The following ITPRID2 variants were observed in gnomAD, a reference collection of about 807,000 sequenced individuals.
The protein encoded by ITPRID2 is ITPR interacting domain containing 2, also known as protein ITPRID2.
A neutral mutation model predicts 124.3 loss-of-function variants in ITPRID2; 60 were observed. The ratio of observed to expected loss-of-function variants is 0.48; its 90% confidence interval spans 0.39 to 0.60. ITPRID2 has a LOEUF of 0.60. ITPRID2 is among the 20% of genes least tolerant of loss of function. The pLI is 0.00. For missense variants in ITPRID2, 1,553 were observed against 1,512.2 expected, an observed-to-expected ratio of 1.03 and a Z score of -0.45; for synonymous variants, 521 against 542.9, an observed-to-expected ratio of 0.96 and a Z score of 0.56.
In ITPRID2 at chr2:181,892,605, C is replaced by G. The variant is rs978687760; in HGVS notation, c.212-10C>G. 1 of 1,614,164 alleles carries G rather than the reference C, an allele frequency of 6.2e-7. No homozygotes were observed. The highest frequency in any genetic ancestry group is 8.5e-7 in the Non-Finnish European group (1 of 1,180,000). The stretch of plus-strand genomic sequence containing the variant: ...GGTGGTAACGTGCTGTCCCCTCTCT[C>G]TACCCCCAGGAAACGTGCCCAACGA... On this transcript the variant is annotated splice_polypyrimidine_tract_variant and intron_variant, in intron 1 of 17. Coordinates refer to ENST00000431877, the MANE Select transcript of ITPRID2 (RefSeq NM_001130445.3). This position sits in a 1 kb window ranked among gnomAD's most constrained non-coding sequence, Gnocchi z 5.2.
intron 8 of ITPRID2, among the ~76,000 whole-genome samples, chr2:181,903,723 A>G (rs773357985): frequency 1.3e-5 from 2 of 152,016 alleles, no homozygotes; most frequent in African/African-American, 2.4e-5. Context: ...TATTTCTTCT[A>G]TCTTTTTACC....
chr2:181,921,929 AT>A lies in ITPRID2; in HGVS notation c.3211-12del. 1.9e-6 allele frequency: 3 copies of A among 1,595,302 alleles called. No individual in the cohort carries two copies. Among genetic ancestry groups the A allele is most frequent in the Non-Finnish European group, 2.6e-6 (3 of 1,170,740 alleles). On this transcript the variant is annotated intron_variant, in intron 15 of 17. Transcript: ENST00000431877. ...CTTAATTCCAAGAGAGAAGAATAAC[AT>A]TTTTTTATGATCTCCAGGTCACTGA...
chr2:181,892,014 C>T lies in ITPRID2; in HGVS notation c.-53C>T. 1 of 1,523,856 alleles carries T rather than the reference C, an allele frequency of 6.6e-7. No individual in the cohort carries two copies. The highest frequency in any genetic ancestry group is 1.2e-5 in the South Asian group (1 of 82,092). The allele number at this position is 1,523,856 out of a possible 1,614,324, so 94.4% of individuals were successfully genotyped here. On this transcript the variant is annotated 5_prime_UTR_variant, in exon 1 of 18. Coordinates refer to ENST00000431877, the MANE Select transcript of ITPRID2 (RefSeq NM_001130445.3). This position sits in a 1 kb window ranked among gnomAD's most constrained non-coding sequence, Gnocchi z 5.2. ...ACAGCAAGGGCGGGGGTCCCTGCCG[C>T]CGCCTTGTCTCGCGCAGGGTCCGGC...
intron 11 of ITPRID2, chr2:181,916,897 A>G: frequency 1.0e-6 from 1 of 996,188 alleles, no homozygotes; most frequent in Non-Finnish European, 1.2e-6. Context: ...TAGCTCTCTG[A>G]CTAAGCTTTC....
chr2:181,927,402 G>A (rs1292837801), intron 16 of ITPRID2, among the ~76,000 whole-genome samples: 1 of 152,132 alleles, frequency 6.6e-6, no homozygotes, highest in Non-Finnish European at 1.5e-5. Flanking sequence ...GTGGAGATAG[G>A]CATATGTAAG....
chr2:181,908,818 C>G (rs1693364768), intron 8 of ITPRID2, among the ~76,000 whole-genome samples: 1 of 151,940 alleles, frequency 6.6e-6, no homozygotes, highest in Admixed American at 6.6e-5. Context: ...TAAAAACTAC[C>G]AGAGTTTTCC....
At position 181,900,891 on chromosome 2, in the gene ITPRID2, T is replaced by G. The variant is rs760655612; in HGVS notation, c.699T>G (p.Asn233Lys). The change falls in exon 7 of 18, where the codon AAT becomes AAG. Residue 233 changes from asparagine (N) to lysine (K), a missense_variant. Coordinates refer to ENST00000431877, the MANE Select transcript of ITPRID2 (RefSeq NM_001130445.3). The stretch of plus-strand genomic sequence containing the variant: ...AACGGATGGAAGTAGAAAACCCAAA[T>G]TATGCTTTAACAAGTAAGATTTTTA... ...QMQRMEVENP[N>K]YALTSRFRQI... The G allele has an allele frequency of 6.2e-7, 1 of 1,608,772 alleles. No homozygotes were observed. The highest frequency in any genetic ancestry group is 1.1e-5 in the South Asian group (1 of 89,432).
chr2:181,910,512 T>C lies in ITPRID2; in HGVS notation c.1486+541T>C, dbSNP rs1378911603. 1 of 639,264 alleles carries C rather than the reference T, an allele frequency of 1.6e-6. No homozygotes were observed. Among genetic ancestry groups the C allele is most frequent in the Non-Finnish European group, 2.8e-6 (1 of 354,288 alleles). 39.6% of individuals were successfully genotyped at this position (639,264 alleles called of 1,614,324 possible). The stretch of plus-strand genomic sequence containing the variant: ...ATTGACCAAAGAACCTTTGAATCCA[T>C]CCCTTTCACTTTTAACTTGCAACAA... On this transcript the variant is annotated intron_variant, in intron 9 of 17. Transcript: ENST00000431877. This position sits in a 1 kb window ranked among gnomAD's most constrained non-coding sequence, Gnocchi z 4.1.
rs760087738 is a variant in ITPRID2 at position 181,896,972 on chromosome 2, T to C, written c.364+8T>C. On this transcript the variant is annotated splice_region_variant and intron_variant, in intron 4 of 17. Coordinates refer to ENST00000431877, the MANE Select transcript of ITPRID2 (RefSeq NM_001130445.3). This position sits in a 1 kb window ranked among gnomAD's most constrained non-coding sequence, Gnocchi z 4.3. ...TGTCATTGGGAGCTGAAGGTATGTTTGTTTGGAAGAACTGTATTTTTGTGT... is the reference window on the plus strand; with the variant it reads ...TGTCATTGGGAGCTGAAGGTATGTTCGTTTGGAAGAACTGTATTTTTGTGT... The C allele has an allele frequency of 2.5e-6, 4 of 1,610,804 alleles. No individual in the cohort carries two copies. Among genetic ancestry groups the C allele is most frequent in the Admixed American group, 3.3e-5 (2 of 59,990 alleles).
chr2:181,900,583 GAA>G, intron 6 of ITPRID2, 111 bp from the exon 7 acceptor site: 1 of 781,516 alleles, frequency 1.3e-6, no homozygotes. Flanking sequence ...CAGAAGCTGA[GAA>G]AAAAGATTTT....
At chr2:181,927,690 CTTT>C (rs1694960774) in intron 16 of ITPRID2, among the ~76,000 whole-genome samples, 1 of 152,108 alleles carries the variant, frequency 6.6e-6, no homozygotes. Flanking sequence ...AACAATATGT[CTTT>C]AGATACCTTG....
intron 9 of ITPRID2, among the ~76,000 whole-genome samples, chr2:181,913,388 G>C (rs1375237785): frequency 6.6e-6 from 1 of 151,942 alleles, no homozygotes; most frequent in Non-Finnish European, 1.5e-5. Context: ...TTTTAAATTG[G>C]GAAGATAATA....
intron 11 of ITPRID2, chr2:181,918,139 G>C (rs1448195341): frequency 4.7e-6 from 1 of 211,666 alleles, no homozygotes; most frequent in East Asian, 1.8e-4. Context: ...ACACCTGAAG[G>C]CTGGGAATAC....
chr2:181,916,014 G>C lies in ITPRID2; in HGVS notation c.2374G>C (p.Gly792Arg). Residue 792 changes from glycine (G) to arginine (R), a missense_variant, in exon 11 of 18, where the codon GGT becomes CGT. Physicochemically the swap from Gly to Arg is moderately radical, Grantham distance 125. Coordinates refer to ENST00000431877, the MANE Select transcript of ITPRID2 (RefSeq NM_001130445.3). ...ELEKRVMEHDGQSLVKSTIFI... is the reference protein window; with the variant it reads ...ELEKRVMEHDRQSLVKSTIFI... ...GGAAAAGCGGGTGATGGAACATGAT[G>C]GTCAGTCTTTAGTTAAATCGACCAT... is the stretch of plus-strand genomic sequence containing the variant. 2 of 1,614,122 alleles carry C rather than the reference G, an allele frequency of 1.2e-6. No homozygotes were observed. Among genetic ancestry groups the C allele is most frequent in the Non-Finnish European group, 1.7e-6 (2 of 1,180,026 alleles).
chr2:181,900,930 T>C lies in ITPRID2; in HGVS notation c.712+26T>C, dbSNP rs1241021781. On this transcript the variant is annotated intron_variant, in intron 7 of 17. Transcript: ENST00000431877. ...GTAAGATTTTTAAGTGTTAGGCATATTATTTTCTTAAATTATAGCATCTAC... is the reference window on the plus strand; with the variant it reads ...GTAAGATTTTTAAGTGTTAGGCATACTATTTTCTTAAATTATAGCATCTAC... 2.6e-6 allele frequency: 4 copies of C among 1,542,724 alleles called. No homozygotes were observed. In the East Asian group the frequency reaches 9.1e-5, roughly 35 times the overall value.
chr2:181,892,378 G>C lies in ITPRID2; in HGVS notation c.211+101G>C. 1 of 1,335,696 alleles carries C rather than the reference G, an allele frequency of 7.5e-7. No homozygotes were observed. Among genetic ancestry groups the C allele is most frequent in the Non-Finnish European group, 1.0e-6 (1 of 991,090 alleles). The allele number at this position is 1,335,696 out of a possible 1,614,324, so 82.7% of individuals were successfully genotyped here. ...CGAGTTCTGGGAGAGCCTCGGGCAC[G>C]GTAGGCCGAGGGGAGAGGGGACACT... is the stretch of plus-strand genomic sequence containing the variant. On this transcript the variant is annotated intron_variant, in intron 1 of 17. Coordinates refer to ENST00000431877, the MANE Select transcript of ITPRID2 (RefSeq NM_001130445.3). The surrounding 1 kb of genome is among the most constrained non-coding windows in gnomAD (Gnocchi z 5.2).
At chr2:181,904,239 A>G (rs1047908120) in intron 8 of ITPRID2, among the ~76,000 whole-genome samples, 2 of 151,858 alleles carry the variant, frequency 1.3e-5, no homozygotes. Flanking sequence ...TCTACTGGCA[A>G]AAAAGGTTAA....
Position 181,908,900 on chromosome 2 carries a change from C to G in ITPRID2, c.1414-999C>G, listed in dbSNP as rs183276092. 2.0e-4 allele frequency among the ~76,000 whole-genome samples: 30 copies of G among 151,858 alleles called. No homozygotes were observed. In the East Asian group the frequency reaches 5.7e-3, roughly 29 times the overall value. On this transcript the variant is annotated intron_variant, in intron 8 of 17. Coordinates refer to ENST00000431877, the MANE Select transcript of ITPRID2 (RefSeq NM_001130445.3). ...GAAAACCCATATGTTCAGCTAGGTACCACACTTTACTAGGATGTTCTTTAT... is the reference window on the plus strand; with the variant it reads ...GAAAACCCATATGTTCAGCTAGGTAGCACACTTTACTAGGATGTTCTTTAT...
rs1224857516 is a variant in ITPRID2 at position 181,905,605 on chromosome 2, A to G, written c.1413+3139A>G. On this transcript the variant is annotated intron_variant, in intron 8 of 17. Coordinates refer to ENST00000431877, the MANE Select transcript of ITPRID2 (RefSeq NM_001130445.3). This position sits in a 1 kb window ranked among gnomAD's most constrained non-coding sequence, Gnocchi z 4.1. ...CTTTTATCTCAGCATTTCTGTAAGA[A>G]GTTGACTGTGTGGTCTTCTTGACCT... Among the ~76,000 whole-genome samples, 2 of 152,214 alleles carry G rather than the reference A, an allele frequency of 1.3e-5. No individual in the cohort carries two copies. The highest frequency in any genetic ancestry group is 3.9e-4 in the East Asian group (2 of 5,190).
Sources: gnomAD v4.1 joint callset for allele counts (sites outside exome capture counted in the v4.1 genomes callset) on GRCh38, gnomAD v4.1.1 for gene constraint, Gnocchi (gnomAD v3.1) non-coding constraint, MANE v1.5 for transcripts, NCBI Gene and HGNC (gene_info 2026-07-23, HGNC 2026-07-21) for gene names.